The following ASXL3 variants were observed in gnomAD, a reference collection of about 807,000 sequenced individuals.
ASXL3 encodes the protein putative Polycomb group protein ASXL3.
A neutral mutation model predicts 170.6 loss-of-function variants in ASXL3; 34 were observed. That is an observed-to-expected ratio of 0.20 (90% confidence interval 0.15 to 0.27). ASXL3 has a LOEUF of 0.27. Among genes scored for constraint, ASXL3 ranks in the 10% least tolerant of loss-of-function variants. The pLI is 1.00. For missense variants in ASXL3, 2,592 were observed against 2,695.3 expected (o/e 0.96, Z 0.85); for synonymous variants, 1,002 against 989.1 (o/e 1.01, Z -0.24).
intron 2 of ASXL3, among the ~76,000 whole-genome samples, chr18:33,613,348 C>T (rs1379300708): frequency 6.6e-6 from 1 of 152,084 alleles, no homozygotes; most frequent in African/African-American, 2.4e-5. Context: ...GTTATCTTAT[C>T]CCAAGTCTTC....
intron 7 of ASXL3, among the ~76,000 whole-genome samples, chr18:33,676,222 CAAAAAAAAAAA>C (rs568221465): frequency 2.4e-5 from 1 of 41,732 alleles, no homozygotes; most frequent in South Asian, 1.2e-3. Context: ...GACTCCGTCT[CAAAAAAAAAAA>C]AAAAAAAAAA....
At chr18:33,627,048 G>A (rs2065613952) in intron 2 of ASXL3, 2 of 152,648 alleles carry the variant, frequency 1.3e-5, no homozygotes, top group Admixed American at 1.3e-4. Flanking sequence ...TTGCATTGGA[G>A]TGGTTCCGTT....
rs115242475 is a variant in ASXL3, at chr18:33,704,052, C to A, written c.879+20484C>A. 7.4e-3 allele frequency among the ~76,000 whole-genome samples: 1,128 copies of A among 151,952 alleles called. 10 individuals carry two copies. Among genetic ancestry groups the A allele is most frequent in the African/African-American group, 0.026 (1,095 of 41,476 alleles). On this transcript the variant is annotated intron_variant, in intron 8 of 11. Transcript: ENST00000269197. ...TCCTGTGCTAGATTTCCAAGTATGC[C>A]AAAGGCATTTGTTAAATAAACTGCT...
chr18:33,598,827 A>G (rs1022924255), intron 1 of ASXL3, among the ~76,000 whole-genome samples: 3 of 152,152 alleles, frequency 2.0e-5, no homozygotes, highest in Admixed American at 6.6e-5. Context: ...AGAACAGGAG[A>G]GCAGTTGTCC....
At chr18:33,655,647 A>T (rs1044153548) in intron 4 of ASXL3, among the ~76,000 whole-genome samples, 3 of 152,062 alleles carry the variant, frequency 2.0e-5, no homozygotes, top group Non-Finnish European at 1.5e-5. Flanking sequence ...TTAAAAATAG[A>T]GTTCAGGAAT....
chr18:33,704,827 T>C (rs905363790), intron 8 of ASXL3, among the ~76,000 whole-genome samples: 2 of 151,940 alleles, frequency 1.3e-5, no homozygotes, highest in African/African-American at 4.8e-5. Flanking sequence ...AAATAAATGG[T>C]GAGTATAGAA....
At chr18:33,733,161 C>T (rs1383052866) in intron 9 of ASXL3, among the ~76,000 whole-genome samples, 6 of 152,120 alleles carry the variant, frequency 3.9e-5, no homozygotes, top group Admixed American at 2.6e-4. Flanking sequence ...CTATTGCCAG[C>T]GTGCCAAGAA....
At chr18:33,665,953 A>C (rs909250543) in intron 5 of ASXL3, among the ~76,000 whole-genome samples, 25 of 152,142 alleles carry the variant, frequency 1.6e-4, no homozygotes, top group African/African-American at 6.0e-4. Context: ...ATTTATTTCT[A>C]GGGTTAAGCT....
rs181147033 is a variant in ASXL3 at position 33,581,707 on chromosome 18, C to T, written c.54+3022C>T. On this transcript the variant is annotated intron_variant, in intron 1 of 11. Transcript: ENST00000269197. ...CTTTGTGAGAAAAAGTATATGGTCT[C>T]CAAATTTGTAAACTCTGGAGTGGCA... 3.1e-3 allele frequency among the ~76,000 whole-genome samples: 473 copies of T among 152,216 alleles called. 2 individuals carry two copies. Among genetic ancestry groups the T allele is most frequent in the Middle Eastern group, 0.027 (8 of 294 alleles).
rs778772819 is a variant in ASXL3 at position 33,744,346 on chromosome 18, C to T, written c.4498C>T (p.Leu1500=). Residue 1500 remains leucine (L), a synonymous_variant, in exon 12 of 12, where the codon CTG becomes TTG. Coordinates refer to ENST00000269197, the MANE Select transcript of ASXL3 (RefSeq NM_030632.3). ...SVESSEASLD[L]QGRPVRTEAS... Reference sequence around the variant, plus strand: ...TGAAAGCTCAGAAGCCAGCTTGGACCTGCAGGGCAGACCAGTGAGGACAGA... The same window carrying T: ...TGAAAGCTCAGAAGCCAGCTTGGACTTGCAGGGCAGACCAGTGAGGACAGA... 3 of 1,614,018 alleles carry T rather than the reference C, an allele frequency of 1.9e-6. No individual in the cohort carries two copies. Among genetic ancestry groups the T allele is most frequent in the Non-Finnish European group, 2.5e-6 (3 of 1,179,898 alleles).
intron 8 of ASXL3, among the ~76,000 whole-genome samples, chr18:33,697,570 T>C (rs758413869): frequency 5.3e-5 from 8 of 152,080 alleles, no homozygotes; most frequent in Non-Finnish European, 1.0e-4. Context: ...TCCCCACGAC[T>C]AAGGCGTATG....
intron 7 of ASXL3, among the ~76,000 whole-genome samples, chr18:33,677,255 A>C (rs1021263565): frequency 2.0e-5 from 3 of 152,212 alleles, no homozygotes; most frequent in Non-Finnish European, 4.4e-5. Context: ...AAGCATAAAT[A>C]TAAAAATAAA....
intron 5 of ASXL3, among the ~76,000 whole-genome samples, chr18:33,668,584 A>T (rs950114918): frequency 6.6e-6 from 1 of 152,172 alleles, no homozygotes; most frequent in Non-Finnish European, 1.5e-5. Flanking sequence ...AAAAAACATC[A>T]TACAAACAGG....
At position 33,717,431 on chromosome 18, in the gene ASXL3, G is replaced by A. The variant is rs190026494; in HGVS notation, c.880-14537G>A. Among the ~76,000 whole-genome samples, 566 of 152,190 alleles carry A rather than the reference G, an allele frequency of 3.7e-3. 2 individuals carry two copies. Among genetic ancestry groups the A allele is most frequent in the Middle Eastern group, 0.014 (4 of 294 alleles). Reference sequence around the variant, plus strand: ...ATGTTTACTCCTCATATGTTAGGTAGCATATTAGGTTATTTGCATTTATTA... The same window carrying A: ...ATGTTTACTCCTCATATGTTAGGTAACATATTAGGTTATTTGCATTTATTA... On this transcript the variant is annotated intron_variant, in intron 8 of 11. Transcript: ENST00000269197.
At chr18:33,701,749 T>C (rs2066877784) in intron 8 of ASXL3, among the ~76,000 whole-genome samples, 1 of 152,110 alleles carries the variant, frequency 6.6e-6, no homozygotes, top group African/African-American at 2.4e-5. Context: ...GTTGAACTTC[T>C]TCAATTTGTA....
intron 2 of ASXL3, chr18:33,626,665 C>T (rs972533261): frequency 2.6e-5 from 4 of 152,070 alleles, no homozygotes; most frequent in Admixed American, 1.3e-4. Context: ...ACAACCTTAA[C>T]AGGCAGCACC....
At position 33,744,359 on chromosome 18, in the gene ASXL3, C is replaced by T. The variant is rs1321299390; in HGVS notation, c.4511C>T (p.Pro1504Leu). Residue 1504 changes from proline (P) to leucine (L), a missense_variant, in exon 12 of 12, where the codon CCA (proline) becomes CTA (leucine). By Grantham distance (98) the Pro-to-Leu change is moderately conservative. Around this residue, in one of 4 missense-constraint regions of ASXL3, gnomAD observed 2,246 missense variants for 2,219.6 expected, o/e 1.01. Coordinates refer to ENST00000269197, the MANE Select transcript of ASXL3 (RefSeq NM_030632.3). ...SEASLDLQGR[P>L]VRTEASVQPV... Reference sequence around the variant, plus strand: ...GCCAGCTTGGACCTGCAGGGCAGACCAGTGAGGACAGAGGCATCCGTACAG... The same window carrying T: ...GCCAGCTTGGACCTGCAGGGCAGACTAGTGAGGACAGAGGCATCCGTACAG... The T allele has an allele frequency of 2.5e-6, 4 of 1,613,784 alleles. No individual in the cohort carries two copies. The highest frequency in any genetic ancestry group is 1.3e-5 in the African/African-American group (1 of 74,912).
intron 8 of ASXL3, among the ~76,000 whole-genome samples, chr18:33,724,528 C>A (rs1183156647): frequency 6.6e-6 from 1 of 151,976 alleles, no homozygotes; most frequent in Non-Finnish European, 1.5e-5. Flanking sequence ...TTTTACAACT[C>A]TTAATGCATC....
At chr18:33,630,335 C>G (rs2065659303) in intron 2 of ASXL3, among the ~76,000 whole-genome samples, 1 of 151,320 alleles carries the variant, frequency 6.6e-6, no homozygotes, top group South Asian at 2.1e-4. Flanking sequence ...TCCTAAATAA[C>G]TATGATGTTT....
Sources: allele counts gnomAD v4.1 joint callset (sites outside exome capture counted in the v4.1 genomes callset), GRCh38; gene constraint gnomAD v4.1.1; regional missense constraint gnomAD v4.1.1; transcripts MANE v1.5; gene names NCBI Gene and HGNC (gene_info 2026-07-23, HGNC 2026-07-21).